Variants in CLCN1 observed in about 807,000 individuals in gnomAD.
The protein encoded by CLCN1 is chloride voltage-gated channel 1.
In CLCN1, 100 loss-of-function variants were observed where a neutral mutation model predicts 114.5. That is an observed-to-expected ratio of 0.87 (90% CI 0.74 to 1.03). The LOEUF is 1.03. Ranked by LOEUF, CLCN1 falls within the 50% of genes least tolerant of loss-of-function variation. CLCN1 has a pLI of 0.00. For missense variants in CLCN1, 1,188 were observed against 1,250.0 expected (o/e 0.95, Z 0.75); for synonymous variants, 485 against 487.1 (o/e 1.00, Z 0.06).
rs543120965 is a variant in CLCN1 at position 143,332,409 on chromosome 7, T to C, written c.1167-10T>C. 2.2e-5 allele frequency: 35 copies of C among 1,612,014 alleles called. No individual in the cohort carries two copies. Among genetic ancestry groups the C allele is most frequent in the Non-Finnish European group, 2.7e-5 (32 of 1,178,146 alleles). On this transcript the variant is annotated splice_polypyrimidine_tract_variant and intron_variant, in intron 10 of 22. Coordinates refer to ENST00000343257, the MANE Select transcript of CLCN1 (RefSeq NM_000083.3). Reference sequence around the variant, plus strand: ...CTGAATTGTGGCGGTTAACTCTGTTTCTTTTTCAGCCGCCTGCTGTATCCT... The same window carrying C: ...CTGAATTGTGGCGGTTAACTCTGTTCCTTTTTCAGCCGCCTGCTGTATCCT...
At position 143,350,410 on chromosome 7, in the gene CLCN1, C is replaced by T. The variant is rs541671289; in HGVS notation, c.2442C>T (p.Val814=). The change falls in exon 21 of 23, where the codon GTC becomes GTT. Residue 814 remains valine, a synonymous_variant. Transcript: ENST00000343257. This position sits in a 1 kb window ranked among gnomAD's most constrained non-coding sequence, Gnocchi z 5.1. ...AGCAGGAGCAGCTGAGCCAGCCTGT[C>T]TGTTTTGATTCCTGCTGTATTGACC... ...AWEQEQLSQP[V]CFDSCCIDQS... 3.3e-5 allele frequency: 54 copies of T among 1,614,214 alleles called. No homozygotes were observed. In the East Asian group the frequency reaches 1.1e-3, roughly 33 times the overall value.
At chr7:143,327,659 A>AT (rs1802610361) in intron 7 of CLCN1, among the ~76,000 whole-genome samples, 1 of 152,128 alleles carries the variant, frequency 6.6e-6, no homozygotes, top group African/African-American at 2.4e-5. Flanking sequence ...GATTAATTTT[A>AT]TTTTTTTCTT....
chr7:143,336,940 T>A (rs573519954), intron 12 of CLCN1, among the ~76,000 whole-genome samples: 1 of 152,324 alleles, frequency 6.6e-6, no homozygotes, highest in Admixed American at 6.5e-5. Context: ...GCCTACAAAA[T>A]CTCTTATGGC....
intron 20 of CLCN1, among the ~76,000 whole-genome samples, chr7:143,349,243 C>T (rs1175926248): frequency 6.6e-6 from 1 of 152,172 alleles, no homozygotes; most frequent in Admixed American, 6.5e-5. Flanking sequence ...AGTGGTCATC[C>T]ATCCTATGCT....
At chr7:143,330,564 C>T (rs904117829) in intron 7 of CLCN1, among the ~76,000 whole-genome samples, 5 of 152,168 alleles carry the variant, frequency 3.3e-5, no homozygotes, top group African/African-American at 1.2e-4. Context: ...GTGTTGGACC[C>T]ATCCCTTGTC....
Position 143,330,871 on chromosome 7 carries a change from T to A in CLCN1, c.953T>A (p.Val318Glu). Residue 318 changes from valine to glutamate, a missense_variant, in exon 8 of 23, where the codon GTG (valine) becomes GAG (glutamate). By Grantham distance (121) the Val-to-Glu change is moderately radical (BLOSUM62 -2). Coordinates refer to ENST00000343257, the MANE Select transcript of CLCN1 (RefSeq NM_000083.3). Reference protein sequence around the residue: ...AATFSAFVFRVLAVWNKDAVT... With the variant: ...AATFSAFVFRELAVWNKDAVT... ...ACGTTCAGCGCCTTTGTGTTTCGAG[T>A]GCTGGCAGTGTGGAACAAGGATGCT... is the stretch of plus-strand genomic sequence containing the variant. The A allele has an allele frequency of 6.2e-7, 1 of 1,614,086 alleles. No homozygotes were observed. Among genetic ancestry groups the A allele is most frequent in the Non-Finnish European group, 8.5e-7 (1 of 1,180,028 alleles).
In CLCN1 at chr7:143,321,404, C is replaced by G; in HGVS notation, c.473C>G (p.Pro158Arg). Reference protein sequence around the residue: ...WSYAQMQPSLPLQFLVWVTFP... With the variant: ...WSYAQMQPSLRLQFLVWVTFP... ...TACGCGCAGATGCAGCCCAGCCTTC[C>G]TCTGCAGTTCCTGGTCTGGGTCACC... The change falls in exon 4 of 23, where the codon CCT (proline) becomes CGT (arginine). Residue 158 changes from proline (P) to arginine (R), a missense_variant. Physicochemically the swap from Pro to Arg is moderately radical, Grantham distance 103 (BLOSUM62 -2). Coordinates refer to ENST00000343257, the MANE Select transcript of CLCN1 (RefSeq NM_000083.3). The surrounding 1 kb of genome is among the most constrained non-coding windows in gnomAD (Gnocchi z 4.2). 5 of 1,614,214 alleles carry G rather than the reference C, an allele frequency of 3.1e-6. No individual in the cohort carries two copies. The highest frequency in any genetic ancestry group is 4.2e-6 in the Non-Finnish European group (5 of 1,180,012).
In CLCN1 at chr7:143,345,774, G is replaced by A. The variant is rs757502929; in HGVS notation, c.2172+12G>A. On this transcript the variant is annotated intron_variant, in intron 17 of 22. Coordinates refer to ENST00000343257, the MANE Select transcript of CLCN1 (RefSeq NM_000083.3). ...CTGGCAAGAGCGAGGTGACCGCGCC[G>A]GGAAGGGCTAGGGAGTGGGATAGAT... 1.2e-6 allele frequency: 2 copies of A among 1,607,282 alleles called. No homozygotes were observed. Among genetic ancestry groups the A allele is most frequent in the East Asian group, 2.2e-5 (1 of 44,650 alleles).
At chr7:143,330,137 C>T (rs916322806) in intron 7 of CLCN1, among the ~76,000 whole-genome samples, 6 of 152,080 alleles carry the variant, frequency 3.9e-5, no homozygotes, top group Non-Finnish European at 7.3e-5. Context: ...CCTTTTAAGT[C>T]GGGTTTTTAG....
intron 12 of CLCN1, among the ~76,000 whole-genome samples, chr7:143,333,977 G>A (rs1164579096): frequency 6.6e-6 from 1 of 152,204 alleles, no homozygotes; most frequent in Non-Finnish European, 1.5e-5. Context: ...ACTTTGGGAA[G>A]CCGAGAGAGG....
chr7:143,332,395 C>A, intron 10 of CLCN1, 24 bp from the exon 11 acceptor site: 1 of 1,587,122 alleles, frequency 6.3e-7, no homozygotes, highest in African/African-American at 1.3e-5. Context: ...TGAATTGTGG[C>A]GGTTAACTCT....
At position 143,350,811 on chromosome 7, in the gene CLCN1, CTT is replaced by C. The variant is rs1803376653; in HGVS notation, c.2595+158_2595+159del. ...TTTTTTTTTGAGACAGAGTTTCACT[CTT>C]GTCGCCCAGGCTGGAGTGCAGTGGC... On this transcript the variant is annotated intron_variant, in intron 22 of 22. Transcript: ENST00000343257. This position sits in a 1 kb window ranked among gnomAD's most constrained non-coding sequence, Gnocchi z 5.1. Among the ~76,000 whole-genome samples the C allele has an allele frequency of 6.7e-6, 1 of 149,506 alleles. No individual in the cohort carries two copies. Among genetic ancestry groups the C allele is most frequent in the East Asian group, 2.0e-4 (1 of 5,100 alleles).
At chr7:143,346,534 C>T (rs1214066645) in intron 18 of CLCN1, 45 bp from the exon 19 acceptor site, 16 of 1,461,420 alleles carry the variant, frequency 1.1e-5, no homozygotes, top group Admixed American at 3.4e-5. Context: ...CTGGCCGTTT[C>T]CTGTTGCTTT....
At chr7:143,326,502 A>G (rs569955975) in intron 7 of CLCN1, among the ~76,000 whole-genome samples, 10 of 152,232 alleles carry the variant, frequency 6.6e-5, no homozygotes, top group Non-Finnish European at 1.5e-4. Context: ...AGGCAGGCAA[A>G]CCTATTGTCA....
chr7:143,330,060 C>T (rs1341793393), intron 7 of CLCN1, among the ~76,000 whole-genome samples: 1 of 152,172 alleles, frequency 6.6e-6, no homozygotes, highest in Non-Finnish European at 1.5e-5. Flanking sequence ...TTTTGCCTCA[C>T]CCACCTTTCT....
chr7:143,337,807 C>CTTTTTTTTTTTTTTTTTTT lies in CLCN1; in HGVS notation c.1402-1427_1402-1409dup, dbSNP rs869078445. Among the ~76,000 whole-genome samples, 6 of 46,078 alleles carry CTTTTTTTTTTTTTTTTTTT rather than the reference C, an allele frequency of 1.3e-4. 1 individual carries two copies. Among genetic ancestry groups the CTTTTTTTTTTTTTTTTTTT allele is most frequent in the Non-Finnish European group, 1.6e-4 (4 of 24,866 alleles). The allele number at this position is 46,078 out of a possible 152,430, so 30.2% of individuals were successfully genotyped here. On this transcript the variant is annotated intron_variant, in intron 12 of 22. Coordinates refer to ENST00000343257, the MANE Select transcript of CLCN1 (RefSeq NM_000083.3). Reference sequence around the variant, plus strand: ...CTTTTTTCCATTCTATTTCTCAATTCTTTTTTTTTTTTTTTTTTTTTTTTT... The same window carrying CTTTTTTTTTTTTTTTTTTT: ...CTTTTTTCCATTCTATTTCTCAATTCTTTTTTTTTTTTTTTTTTTTTTTTTTTTTTTTTTTTTTTTTTTT...
intron 16 of CLCN1, among the ~76,000 whole-genome samples, chr7:143,345,184 T>C (rs1246390986): frequency 6.6e-6 from 1 of 152,246 alleles, no homozygotes; most frequent in Non-Finnish European, 1.5e-5. Context: ...CTTATTTGAA[T>C]GGCTTCTCAT....
chr7:143,346,990 C>T lies in CLCN1; in HGVS notation c.2403+41C>T, dbSNP rs777341870. 2.3e-5 allele frequency: 35 copies of T among 1,534,102 alleles called. 1 individual carries two copies. The South Asian group carries it at 3.0e-4, about 13-fold the overall frequency. ...GGAAACCTGGGGTGGATTGTTCTAT[C>T]AAATGAAGATATTGCTAATTTGTTT... On this transcript the variant is annotated intron_variant, in intron 20 of 22. Coordinates refer to ENST00000343257, the MANE Select transcript of CLCN1 (RefSeq NM_000083.3).
chr7:143,324,864 T>TAG lies in CLCN1; in HGVS notation c.853+372_853+373insAG. Among the ~76,000 whole-genome samples the TAG allele has an allele frequency of 6.6e-6, 1 of 152,294 alleles. No homozygotes were observed. Among genetic ancestry groups the TAG allele is most frequent in the Non-Finnish European group, 1.5e-5 (1 of 68,024 alleles). On this transcript the variant is annotated intron_variant, in intron 7 of 22. Transcript: ENST00000343257. The surrounding 1 kb of genome is among the most constrained non-coding windows in gnomAD (Gnocchi z 4.6). ...ATGTTTTTGCCCTACACCGATGACA[T>TAG]CTCTAACAGGGGACTCTATGAACTT...
Sources: gnomAD v4.1 joint callset for allele counts (sites outside exome capture counted in the v4.1 genomes callset) on GRCh38, gnomAD v4.1.1 for gene constraint, Gnocchi (gnomAD v3.1) non-coding constraint, MANE v1.5 for transcripts, NCBI Gene and HGNC (gene_info 2026-07-23, HGNC 2026-07-21) for gene names.